The following FGL1 variants were observed in gnomAD, a reference collection of about 807,000 sequenced individuals.
FGL1 encodes fibrinogen-like protein 1.
In FGL1, 59 loss-of-function variants were observed where a neutral mutation model predicts 43.7. The ratio of observed to expected loss-of-function variants is 1.35; its 90% CI spans 1.10 to 1.68. The LOEUF is 1.68. FGL1 is among the 40% of genes most tolerant of loss of function. The pLI, the probability that FGL1 is intolerant of heterozygous loss-of-function variation, is 0.00. For synonymous variants in FGL1, 192 were observed against 126.5 expected (o/e 1.52, Z -3.48); for missense variants, 596 against 373.0 (o/e 1.60, Z -4.92).
chr8:17,893,034 A>G (rs746266700), intron 1 of FGL1, among the ~76,000 whole-genome samples: 3 of 152,162 alleles, frequency 2.0e-5, no homozygotes, highest in Non-Finnish European at 2.9e-5. Context: ...CCCCGTCCCT[A>G]CTAAAAATAC....
intron 2 of FGL1, among the ~76,000 whole-genome samples, chr8:17,883,098 T>C (rs1171589347): frequency 3.1e-5 from 1 of 31,810 alleles, no homozygotes; most frequent in Non-Finnish European, 5.6e-5. Context: ...TCATATGTAA[T>C]ATATTAAATA....
At chr8:17,878,323 C>T (rs773302226) in intron 3 of FGL1, among the ~76,000 whole-genome samples, 22 of 152,148 alleles carry the variant, frequency 1.4e-4, no homozygotes, top group Non-Finnish European at 2.5e-4. Flanking sequence ...TCTCATTCTT[C>T]AGATGGGGAA....
rs866101288 is a variant in FGL1 at position 17,887,203 on chromosome 8, C to T, written c.-17-1632G>A. ...TTTCCAGGCCAAAGAACATAGGATT[C>T]CTCGCTGGAGGAACAGCAGAGCTTC... is the stretch of plus-strand genomic sequence containing the variant. On this transcript the variant is annotated intron_variant, in intron 1 of 7. Transcript: ENST00000427924. Among the ~76,000 whole-genome samples the T allele has an allele frequency of 5.3e-5, 8 of 152,248 alleles. No individual in the cohort carries two copies. In the South Asian group the frequency reaches 1.2e-3, roughly 24 times the overall value.
intron 2 of FGL1, 83 bp downstream of exon 2, chr8:17,885,409 C>T: frequency 1.7e-6 from 2 of 1,188,602 alleles, no homozygotes; most frequent in Non-Finnish European, 1.2e-6. Flanking sequence ...TGACAAGTCA[C>T]TATAGGTTTA....
At chr8:17,893,604 A>G (rs1438185541) in intron 1 of FGL1, among the ~76,000 whole-genome samples, 1 of 147,864 alleles carries the variant, frequency 6.8e-6, no homozygotes, top group East Asian at 1.9e-4. Flanking sequence ...CTGGTAGCAT[A>G]TAAACAATAA....
At chr8:17,876,967 A>G (rs929054644) in intron 3 of FGL1, among the ~76,000 whole-genome samples, 8 of 152,224 alleles carry the variant, frequency 5.3e-5, no homozygotes, top group Non-Finnish European at 1.0e-4. Flanking sequence ...AAACAGTAAC[A>G]CAACAACAAA....
chr8:17,867,745 A>G lies in FGL1; in HGVS notation c.779+803T>C, dbSNP rs900946633. 5.2e-4 allele frequency among the ~76,000 whole-genome samples: 79 copies of G among 152,328 alleles called. 1 individual carries two copies. Among genetic ancestry groups the G allele is most frequent in the African/African-American group, 1.9e-3 (78 of 41,572 alleles). On this transcript the variant is annotated intron_variant, in intron 7 of 7. Transcript: ENST00000427924. The stretch of plus-strand genomic sequence containing the variant: ...CCACCTCCTGGGCAGAAAGAATCCA[A>G]TGGTGCGAATCTCTGCTCAGAATGA...
chr8:17,867,914 G>A (rs2653417), intron 7 of FGL1, among the ~76,000 whole-genome samples: 115,716 of 152,156 alleles, frequency 0.76, 44,895 homozygotes, highest in African/African-American at 0.83. Flanking sequence ...TACCAAAAAT[G>A]CAAAAATTAG....
chr8:17,877,539 C>T (rs2053474143), intron 3 of FGL1, among the ~76,000 whole-genome samples: 1 of 152,002 alleles, frequency 6.6e-6, no homozygotes, highest in East Asian at 1.9e-4. Flanking sequence ...AGGTCAGCTG[C>T]CACTCCCCAG....
intron 1 of FGL1, among the ~76,000 whole-genome samples, chr8:17,894,908 A>G (rs1300765694): frequency 1.4e-5 from 2 of 140,516 alleles, no homozygotes; most frequent in Admixed American, 6.9e-5. Flanking sequence ...TATATTATAG[A>G]TTATATATAC....
chr8:17,882,034 G>A lies in FGL1; in HGVS notation c.209C>T (p.Thr70Ile), dbSNP rs1317293265. The change falls in exon 3 of 8, where the codon ACT becomes ATT. Residue 70 changes from threonine to isoleucine, a missense_variant. Coordinates refer to ENST00000427924, the MANE Select transcript of FGL1 (RefSeq NM_004467.4). ...CCTCTTGCTTCCAAGATCAATGACA[G>A]TATTCTCATCTCCTTTATCAAGGAA... is the stretch of plus-strand genomic sequence containing the variant. ...VQFLDKGDENTVIDLGSKRQY... is the reference protein window; with the variant it reads ...VQFLDKGDENIVIDLGSKRQY... 1 of 1,613,912 alleles carries A rather than the reference G, an allele frequency of 6.2e-7. No homozygotes were observed. The highest frequency in any genetic ancestry group is 1.7e-5 in the Admixed American group (1 of 59,978).
intron 5 of FGL1, among the ~76,000 whole-genome samples, chr8:17,869,274 T>A (rs532491591): frequency 1.3e-5 from 2 of 151,494 alleles, no homozygotes; most frequent in East Asian, 3.9e-4. Flanking sequence ...ATTCACTGAA[T>A]AATGAACAAC....
chr8:17,892,319 C>G (rs1053918195), intron 1 of FGL1, among the ~76,000 whole-genome samples: 1 of 150,974 alleles, frequency 6.6e-6, no homozygotes, highest in Non-Finnish European at 1.5e-5. Flanking sequence ...TATAAGGAAG[C>G]AAAAGAAAAT....
At chr8:17,865,990 C>T (rs978192373) in intron 7 of FGL1, among the ~76,000 whole-genome samples, 3 of 152,094 alleles carry the variant, frequency 2.0e-5, no homozygotes. Flanking sequence ...TCAAAGCCTA[C>T]TGTGTTTTTA....
intron 3 of FGL1, among the ~76,000 whole-genome samples, chr8:17,881,138 A>ATTTTTTTTTT (rs34570292): frequency 6.3e-5 from 9 of 142,962 alleles, no homozygotes; most frequent in African/African-American, 2.4e-4. Flanking sequence ...GTGTACACGG[A>ATTTTTTTTTT]TTTTTTTTTT....
At chr8:17,880,799 G>T (rs34201807) in intron 3 of FGL1, among the ~76,000 whole-genome samples, 1 of 152,134 alleles carries the variant, frequency 6.6e-6, no homozygotes, top group Non-Finnish European at 1.5e-5. Context: ...ACTTCTGGAG[G>T]AATTCAAGTG....
intron 1 of FGL1, among the ~76,000 whole-genome samples, chr8:17,892,069 G>C (rs2053713144): frequency 6.6e-6 from 1 of 151,994 alleles, no homozygotes; most frequent in East Asian, 1.9e-4. Flanking sequence ...GTTTTCAGTT[G>C]GCAATAAATA....
chr8:17,890,729 G>GA (rs2053691837), intron 1 of FGL1, among the ~76,000 whole-genome samples: 1 of 152,170 alleles, frequency 6.6e-6, no homozygotes, highest in African/African-American at 2.4e-5. Flanking sequence ...GAGGCCCCAG[G>GA]AAACTTACAG....
At position 17,883,105 on chromosome 8, in the gene FGL1, A is replaced by AATAT. The variant is rs368888027; in HGVS notation, c.64-927_64-926insATAT. ...AATATATATCATATGTAATATATTA[A>AATAT]ATAATATATATCATATATAATATAT... On this transcript the variant is annotated intron_variant, in intron 2 of 7. Coordinates refer to ENST00000427924, the MANE Select transcript of FGL1 (RefSeq NM_004467.4). Among the ~76,000 whole-genome samples the AATAT allele has an allele frequency of 1.5e-3, 22 of 15,014 alleles. 3 individuals carry two copies. Among genetic ancestry groups the AATAT allele is most frequent in the African/African-American group, 3.2e-3 (12 of 3,806 alleles). The allele number at this position is 15,014 out of a possible 152,430, so 9.8% of individuals were successfully genotyped here.
Sources: allele counts gnomAD v4.1 joint callset (sites outside exome capture counted in the v4.1 genomes callset), GRCh38; gene constraint gnomAD v4.1.1; transcripts MANE v1.5; gene names NCBI Gene and HGNC (gene_info 2026-07-23, HGNC 2026-07-21).